Variants in TUBGCP6 observed in about 807,000 individuals in gnomAD.
TUBGCP6 encodes the protein tubulin gamma complex component 6.
TUBGCP6 carries 161 observed loss-of-function variants against 175.8 expected under a neutral mutation model. The observed-to-expected ratio is 0.92, with a 90% CI of 0.81 to 1.04. The LOEUF is 1.04. Ranked by LOEUF, TUBGCP6 falls within the 50% of genes least tolerant of loss-of-function variation. The pLI, the probability that TUBGCP6 is intolerant of heterozygous loss-of-function variation, is 0.00. For missense variants in TUBGCP6, 2,572 were observed against 2,433.0 expected (o/e 1.06, Z -1.20); for synonymous variants, 1,173 against 1,030.5 (o/e 1.14, Z -2.65).
intron 1 of TUBGCP6, among the ~76,000 whole-genome samples, chr22:50,240,673 A>G (rs2064828385): frequency 6.6e-6 from 1 of 152,234 alleles, no homozygotes; most frequent in South Asian, 2.1e-4. Context: ...AATTAAAAAA[A>G]TCACACTCAA....
At position 50,217,792 on chromosome 22, in the gene TUBGCP6, G is replaced by A; in HGVS notation, c.5404C>T (p.His1802Tyr). 2 of 1,614,018 alleles carry A rather than the reference G, an allele frequency of 1.2e-6. No homozygotes were observed. Among genetic ancestry groups the A allele is most frequent in the East Asian group, 2.2e-5 (1 of 44,874 alleles). Residue 1802 changes from histidine to tyrosine, a missense_variant, in exon 25 of 25, where the codon CAC becomes TAC. Transcript: ENST00000248846. ...ATGCGCAGCAGAAAGTCCTCCAGGT[G>A]GGGCTGGTAGCCGCGGTTCACCAGC... is the stretch of plus-strand genomic sequence containing the variant. ...TKLVNRGYQP[H>Y]LEDFLLRINF...
In TUBGCP6 at chr22:50,235,737, C is replaced by T. The variant is rs183249093; in HGVS notation, c.906-2211G>A. On this transcript the variant is annotated intron_variant, in intron 2 of 24. Coordinates refer to ENST00000248846, the MANE Select transcript of TUBGCP6 (RefSeq NM_020461.4). ...AAGGCAGATCACGAGGTCAGGAGTT[C>T]AAGACCAGCCTGGCCAACATGGTGA... Among the ~76,000 whole-genome samples, 400 of 152,268 alleles carry T rather than the reference C, an allele frequency of 2.6e-3. 2 individuals are homozygous for T. The highest frequency in any genetic ancestry group is 0.014 in the Middle Eastern group (4 of 294).
rs750728907 is a variant in TUBGCP6 at position 50,225,838 on chromosome 22, T to C, written c.1939A>G (p.Met647Val). ...GAGCTGTGGCGGGCCACCCTCTCCATGCGCCCAACGTAGACGGCACAGTCC... is the reference window on the plus strand; with the variant it reads ...GAGCTGTGGCGGGCCACCCTCTCCACGCGCCCAACGTAGACGGCACAGTCC... ...EKDCAVYVGR[M>V]ERVARHSSVS... The change falls in exon 10 of 25, where the codon ATG becomes GTG. Residue 647 changes from methionine to valine, a missense_variant. Met to Val is a conservative substitution (Grantham distance 21). Coordinates refer to ENST00000248846, the MANE Select transcript of TUBGCP6 (RefSeq NM_020461.4). 4 of 1,613,572 alleles carry C rather than the reference T, an allele frequency of 2.5e-6. No individual in the cohort carries two copies. The South Asian group carries it at 4.4e-5, about 18-fold the overall frequency.
Position 50,220,459 on chromosome 22 carries a change from G to A in TUBGCP6, c.3900C>T (p.His1300=), listed in dbSNP as rs369328830. The change falls in exon 16 of 25, where the codon CAC becomes CAT. Residue 1300 remains histidine, a synonymous_variant. Transcript: ENST00000248846. The part of the protein sequence containing the change: ...TPRPQQSPPG[H]TSQSALSLGA... Reference sequence around the variant, plus strand: ...CCAGGCTGAGCGCTGACTGGGACGTGTGGCCAGGGGGGCTCTGTTGGGGCC... The same window carrying A: ...CCAGGCTGAGCGCTGACTGGGACGTATGGCCAGGGGGGCTCTGTTGGGGCC... The A allele has an allele frequency of 4.0e-5, 65 of 1,612,922 alleles. No individual in the cohort carries two copies. In the African/African-American group the frequency reaches 7.5e-4, roughly 19 times the overall value.
intron 3 of TUBGCP6, among the ~76,000 whole-genome samples, chr22:50,230,378 A>G (rs8184965): frequency 0.67 from 102,333 of 151,974 alleles, 35,283 homozygotes; most frequent in African/African-American, 0.84. Flanking sequence ...AGGCCAAGGC[A>G]GGTGGATCAC....
rs1191994435 is a variant in TUBGCP6 at position 50,219,690 on chromosome 22, T to G, written c.4269A>C (p.Ala1423=). ...GGEQAYLAGL[A]GQYHLERYPD... ...GGTACCGCTCCAAGTGGTACTGCCC[T>G]GCCAGGCCTGCCAGGTAGGCCTGCT... Residue 1423 remains alanine (A), a synonymous_variant, in exon 18 of 25, where the codon GCA becomes GCC. Transcript: ENST00000248846. 6.2e-7 allele frequency: 1 copy of G among 1,613,702 alleles called. No homozygotes were observed. Among genetic ancestry groups the G allele is most frequent in the Admixed American group, 1.7e-5 (1 of 60,026 alleles).
At position 50,218,630 on chromosome 22, in the gene TUBGCP6, G is replaced by A. The variant is rs200158674; in HGVS notation, c.4822-10C>T. 9.3e-6 allele frequency: 15 copies of A among 1,613,820 alleles called. No homozygotes were observed. The African/African-American group carries it at 1.5e-4, about 16-fold the overall frequency. On this transcript the variant is annotated splice_polypyrimidine_tract_variant and intron_variant, in intron 21 of 24. Transcript: ENST00000248846. Reference sequence around the variant, plus strand: ...TGAGAGGCCAGTCCACCTGCCAGGAGGCGTGGCTCAGCAGGCATCCCACAG... The same window carrying A: ...TGAGAGGCCAGTCCACCTGCCAGGAAGCGTGGCTCAGCAGGCATCCCACAG...
intron 3 of TUBGCP6, among the ~76,000 whole-genome samples, chr22:50,232,915 C>T (rs1569121399): frequency 2.0e-5 from 3 of 152,338 alleles, no homozygotes; most frequent in East Asian, 3.9e-4. Context: ...GGCCCCATCC[C>T]GGATGACACC....
chr22:50,220,031 T>C lies in TUBGCP6; in HGVS notation c.4109-16A>G, dbSNP rs761819347. ...CTCCCAGGGCCTGTGTGGACACAAG[T>C]GGACACGAGGGCATCAGGGCCGAGT... On this transcript the variant is annotated splice_polypyrimidine_tract_variant and intron_variant, in intron 16 of 24. Coordinates refer to ENST00000248846, the MANE Select transcript of TUBGCP6 (RefSeq NM_020461.4). 5.6e-6 allele frequency: 9 copies of C among 1,612,624 alleles called. No homozygotes were observed. Among genetic ancestry groups the C allele is most frequent in the Admixed American group, 3.3e-5 (2 of 59,900 alleles).
intron 1 of TUBGCP6, among the ~76,000 whole-genome samples, chr22:50,241,669 T>G (rs1279300177): frequency 6.6e-6 from 1 of 152,194 alleles, no homozygotes; most frequent in Admixed American, 6.5e-5. Context: ...GTCTCCTCTC[T>G]CTCTGCTTCG....
chr22:50,222,540 C>T lies in TUBGCP6; in HGVS notation c.2323G>A (p.Glu775Lys). Reference sequence around the variant, plus strand: ...TGGATTCTCCACAGTGCCTTCTGCTCCCGACGAGCTGCCTCTGCAGAGAGC... The same window carrying T: ...TGGATTCTCCACAGTGCCTTCTGCTTCCGACGAGCTGCCTCTGCAGAGAGC... ...SKLSAEAARR[E>K]QKALWRIQRH... The change falls in exon 14 of 25, where the codon GAG (glutamate) becomes AAG (lysine). Residue 775 changes from glutamate to lysine, a missense_variant. Physicochemically the swap from Glu to Lys is moderately conservative, Grantham distance 56 (BLOSUM62 1). Coordinates refer to ENST00000248846, the MANE Select transcript of TUBGCP6 (RefSeq NM_020461.4). The T allele has an allele frequency of 6.2e-7, 1 of 1,613,558 alleles. No individual in the cohort carries two copies. The highest frequency in any genetic ancestry group is 1.7e-5 in the Admixed American group (1 of 60,022).
At position 50,244,455 on chromosome 22, in the gene TUBGCP6, G is replaced by A. The variant is rs1057352131; in HGVS notation, c.5C>T (p.Ala2Val). 2.5e-6 allele frequency: 4 copies of A among 1,608,288 alleles called. No individual in the cohort carries two copies. The highest frequency in any genetic ancestry group is 3.4e-6 in the Non-Finnish European group (4 of 1,177,390). The change falls in exon 1 of 25, where the codon GCC becomes GTC. Residue 2 changes from alanine (A) to valine (V), a missense_variant. Transcript: ENST00000248846. M[A>V]SITQLFDDLC... ...GTCGTCGAACAGCTGCGTGATGCTG[G>A]CCATGCCCCTTCTCAGCTCCGGGCC... is the stretch of plus-strand genomic sequence containing the variant.
At chr22:50,228,824 T>G (rs1314673872) in intron 4 of TUBGCP6, among the ~76,000 whole-genome samples, 2 of 152,092 alleles carry the variant, frequency 1.3e-5, no homozygotes, top group Non-Finnish European at 2.9e-5. Flanking sequence ...CTGCGCTGCC[T>G]GGCTCCTCCA....
Position 50,229,396 on chromosome 22 carries a change from G to T in TUBGCP6, c.1290+8C>A. The T allele has an allele frequency of 4.3e-6, 7 of 1,612,976 alleles. No homozygotes were observed. Among genetic ancestry groups the T allele is most frequent in the Non-Finnish European group, 5.9e-6 (7 of 1,179,478 alleles). Reference sequence around the variant, plus strand: ...AGGTGTGTGACAACCATGAGGCAAAGGCCATACCTGGAACACGAGGCCCTT... The same window carrying T: ...AGGTGTGTGACAACCATGAGGCAAATGCCATACCTGGAACACGAGGCCCTT... On this transcript the variant is annotated splice_region_variant and intron_variant, in intron 4 of 24. Transcript: ENST00000248846.
chr22:50,226,048 A>C lies in TUBGCP6; in HGVS notation c.1833+2T>G. ...CTTCCCCACACATGAGCCCCTCCTC[A>C]CCCGGGGGCAGCAGAGCTTCAGCAG... On this transcript the variant is annotated splice_donor_variant, in intron 9 of 24. Transcript: ENST00000248846. LOFTEE classifies it high-confidence loss of function. The C allele has an allele frequency of 6.2e-7, 1 of 1,613,978 alleles. No homozygotes were observed. The highest frequency in any genetic ancestry group is 8.5e-7 in the Non-Finnish European group (1 of 1,179,986).
chr22:50,233,308 G>C lies in TUBGCP6; in HGVS notation c.1116+8C>G. On this transcript the variant is annotated splice_region_variant and intron_variant, in intron 3 of 24. Coordinates refer to ENST00000248846, the MANE Select transcript of TUBGCP6 (RefSeq NM_020461.4). ...ACACCACTGTGGCGGGGAGTGAGCA[G>C]TTCTCACCTGGCAGAGCGAAAACGT... 1 of 1,609,478 alleles carries C rather than the reference G, an allele frequency of 6.2e-7. No homozygotes were observed. The highest frequency in any genetic ancestry group is 1.1e-5 in the South Asian group (1 of 90,726).
At position 50,219,132 on chromosome 22, in the gene TUBGCP6, C is replaced by T. The variant is rs748632851; in HGVS notation, c.4562G>A (p.Arg1521Gln). 5.0e-6 allele frequency: 8 copies of T among 1,613,088 alleles called. No homozygotes were observed. Among genetic ancestry groups the T allele is most frequent in the South Asian group, 4.4e-5 (4 of 91,022 alleles). ...GCCGTCCTCCATCAGCAGGAAGTGC[C>T]GCAGTGCCTCATAGTGCGCCTCCAG... ...LHLEAHYEALRHFLLMEDGEF... is the reference protein window; with the variant it reads ...LHLEAHYEALQHFLLMEDGEF... Residue 1521 changes from arginine (R) to glutamine (Q), a missense_variant, in exon 20 of 25, where the codon CGG becomes CAG. Physicochemically the swap from Arg to Gln is conservative, Grantham distance 43. Coordinates refer to ENST00000248846, the MANE Select transcript of TUBGCP6 (RefSeq NM_020461.4).
At chr22:50,219,613 G>A (rs779988919) in intron 18 of TUBGCP6, 31 bp downstream of exon 18, 3 of 1,608,684 alleles carry the variant, frequency 1.9e-6, no homozygotes, top group Middle Eastern at 1.7e-4. Flanking sequence ...CCAGCCCAGG[G>A]CTCCCTGCCA....
At chr22:50,219,524 G>A in intron 18 of TUBGCP6, 68 bp from the exon 19 acceptor site, 2 of 1,587,528 alleles carry the variant, frequency 1.3e-6, no homozygotes, top group South Asian at 2.3e-5. Context: ...ATCCACAGGA[G>A]ATGGAGCACG....
Sources: gnomAD v4.1 joint callset for allele counts (sites outside exome capture counted in the v4.1 genomes callset) on GRCh38, gnomAD v4.1.1 for gene constraint, MANE v1.5 for transcripts, NCBI Gene and HGNC (gene_info 2026-07-23, HGNC 2026-07-21) for gene names.